The following GXYLT1 variants were observed in gnomAD, a reference collection of about 807,000 sequenced individuals.
The protein encoded by GXYLT1 is glucoside xylosyltransferase 1.
GXYLT1 carries 29 observed loss-of-function variants against 54.0 expected under a neutral mutation model. That is an observed-to-expected ratio of 0.54 (90% CI 0.40 to 0.73). The LOEUF (loss-of-function observed/expected upper bound fraction) is 0.73. Among genes scored for constraint, GXYLT1 ranks in the 30% least tolerant of loss-of-function variants. GXYLT1 has a pLI of 0.00. For missense variants in GXYLT1, 490 were observed against 553.4 expected, an observed-to-expected ratio of 0.89 and a Z score of 1.15; for synonymous variants, 176 against 204.1, an observed-to-expected ratio of 0.86 and a Z score of 1.17.
chr12:42,084,251 C>G lies in GXYLT1; in HGVS notation c.*3535G>C, dbSNP rs973419972. 1.3e-5 allele frequency: 2 copies of G among 152,472 alleles called. No homozygotes were observed. Among genetic ancestry groups the G allele is most frequent in the Non-Finnish European group, 2.9e-5 (2 of 68,188 alleles). 9.4% of individuals were successfully genotyped at this position (152,472 alleles called of 1,614,324 possible). A position where few individuals can be genotyped will look rare whatever the true frequency, so the allele number is the denominator to read the frequency against. On this transcript the variant is annotated 3_prime_UTR_variant, in exon 8 of 8. Transcript: ENST00000398675. ...CATTCCATCTTTTCTCTTACTCTGC[C>G]CTTTGCCATCCCCATTCTTACTCCT...
chr12:42,120,160 T>C (rs1449356458), intron 2 of GXYLT1, among the ~76,000 whole-genome samples: 2 of 152,212 alleles, frequency 1.3e-5, no homozygotes, highest in Non-Finnish European at 1.5e-5. Flanking sequence ...AAAACATTCT[T>C]ACTTCATATG....
rs1403305517 is a variant in GXYLT1 at position 42,105,831 on chromosome 12, C to T, written c.851G>A (p.Arg284Lys). ...TTAGTGACTTACCTTGAAATACTTC[C>T]TTCTCATTCGAGTCATGTTCATCAA... ...VMLMNMTRMR[R>K]KYFKNDMTTV... The change falls in exon 5 of 8, where the codon AGG becomes AAG. Residue 284 changes from arginine to lysine, a missense_variant. Physicochemically the swap from Arg to Lys is conservative, Grantham distance 26. This residue lies in a region of GXYLT1 where 342 missense variants were observed against 342.6 expected (regional missense o/e 1.00). Coordinates refer to ENST00000398675, the MANE Select transcript of GXYLT1 (RefSeq NM_173601.2). 1 of 1,583,444 alleles carries T rather than the reference C, an allele frequency of 6.3e-7. No homozygotes were observed.
intron 7 of GXYLT1, among the ~76,000 whole-genome samples, chr12:42,092,731 T>C (rs938362413): frequency 7.2e-5 from 11 of 152,198 alleles, no homozygotes; most frequent in African/African-American, 2.7e-4. Context: ...ACTTAAGTTA[T>C]ATTCAAAACC....
chr12:42,135,999 T>C (rs903602757), intron 1 of GXYLT1, among the ~76,000 whole-genome samples: 1 of 152,200 alleles, frequency 6.6e-6, no homozygotes, highest in African/African-American at 2.4e-5. Context: ...TAAGAACACA[T>C]GCACTAGTGA....
At position 42,109,598 on chromosome 12, in the gene GXYLT1, T is replaced by C; in HGVS notation, c.580A>G (p.Lys194Glu). 1 of 1,595,492 alleles carries C rather than the reference T, an allele frequency of 6.3e-7. No individual in the cohort carries two copies. The highest frequency in any genetic ancestry group is 8.5e-7 in the Non-Finnish European group (1 of 1,172,260). The change falls in exon 4 of 8, where the codon AAA becomes GAA. Residue 194 changes from lysine (K) to glutamate (E), a missense_variant. This residue lies in a region of GXYLT1 where 342 missense variants were observed against 342.6 expected (regional missense o/e 1.00). Transcript: ENST00000398675. Reference sequence around the variant, plus strand: ...AACAATCTCTGCGAAGCACATGGTTTAAAGAGTTTTTTCCACTCTGCTGCA... The same window carrying C: ...AACAATCTCTGCGAAGCACATGGTTCAAAGAGTTTTTTCCACTCTGCTGCA... ...ENAAEWKKLF[K>E]PCASQRLFLP...
chr12:42,090,275 T>A (rs920450950), intron 7 of GXYLT1, among the ~76,000 whole-genome samples: 3 of 152,228 alleles, frequency 2.0e-5, no homozygotes, highest in Non-Finnish European at 2.9e-5. Context: ...AGACACTGCA[T>A]TCTTCCATTT....
chr12:42,094,913 T>C (rs1015703435), intron 7 of GXYLT1, among the ~76,000 whole-genome samples: 21 of 152,196 alleles, frequency 1.4e-4, no homozygotes, highest in African/African-American at 5.1e-4. Context: ...GAATTATATA[T>C]TTGAAATGGG....
At chr12:42,097,712 G>T (rs1314220601) in intron 6 of GXYLT1, 98 bp from the exon 7 acceptor site, 1 of 1,185,352 alleles carries the variant, frequency 8.4e-7, no homozygotes, top group Non-Finnish European at 1.2e-6. Context: ...GCTCTTACAA[G>T]TAAGAATTAA....
chr12:42,118,079 A>G (rs2065507773), intron 3 of GXYLT1, among the ~76,000 whole-genome samples: 1 of 152,238 alleles, frequency 6.6e-6, no homozygotes, highest in Non-Finnish European at 1.5e-5. Flanking sequence ...AAGAATTGCC[A>G]TATAATCCAG....
At chr12:42,094,288 C>T (rs1225877759) in intron 7 of GXYLT1, among the ~76,000 whole-genome samples, 1 of 150,188 alleles carries the variant, frequency 6.7e-6, no homozygotes, top group Non-Finnish European at 1.5e-5. Flanking sequence ...AAGGTCAACG[C>T]TGCAGTAAGC....
intron 7 of GXYLT1, among the ~76,000 whole-genome samples, chr12:42,093,733 C>T (rs1318872448): frequency 6.6e-6 from 1 of 152,092 alleles, no homozygotes; most frequent in African/African-American, 2.4e-5. Flanking sequence ...TGGTCTCAAA[C>T]TGCTGGGCTG....
At chr12:42,137,720 G>A (rs1317473949) in intron 1 of GXYLT1, among the ~76,000 whole-genome samples, 1 of 127,270 alleles carries the variant, frequency 7.9e-6, no homozygotes, top group Non-Finnish European at 1.5e-5. Flanking sequence ...TCATGCCACT[G>A]CACTCCAGCC....
chr12:42,100,474 TAA>T (rs971878429), intron 5 of GXYLT1, among the ~76,000 whole-genome samples: 11 of 152,098 alleles, frequency 7.2e-5, no homozygotes, highest in African/African-American at 2.2e-4. Flanking sequence ...AACATTGTTA[TAA>T]GTCATTTTAT....
At chr12:42,089,470 A>C (rs1406616426) in intron 7 of GXYLT1, among the ~76,000 whole-genome samples, 1 of 152,214 alleles carries the variant, frequency 6.6e-6, no homozygotes, top group Non-Finnish European at 1.5e-5. Context: ...TATGTACCCT[A>C]GAACTTAAAG....
intron 1 of GXYLT1, among the ~76,000 whole-genome samples, chr12:42,135,752 GCAGA>G (rs1298156081): frequency 6.6e-6 from 1 of 152,210 alleles, no homozygotes; most frequent in Non-Finnish European, 1.5e-5. Flanking sequence ...CCCCAAACAG[GCAGA>G]CAGAAAGTAG....
intron 1 of GXYLT1, among the ~76,000 whole-genome samples, chr12:42,138,782 A>AGG (rs1336074841): frequency 6.6e-6 from 1 of 152,116 alleles, no homozygotes; most frequent in Non-Finnish European, 1.5e-5. Flanking sequence ...GCACTTTGGG[A>AGG]GGCCGAGGCA....
At chr12:42,099,959 A>G (rs1196426345) in intron 5 of GXYLT1, among the ~76,000 whole-genome samples, 2 of 152,236 alleles carry the variant, frequency 1.3e-5, no homozygotes, top group Non-Finnish European at 2.9e-5. Context: ...GAAATGAGAT[A>G]AAAATATAAT....
At chr12:42,101,675 G>T (rs1362844338) in intron 5 of GXYLT1, among the ~76,000 whole-genome samples, 2 of 151,904 alleles carry the variant, frequency 1.3e-5, no homozygotes, top group Non-Finnish European at 2.9e-5. Flanking sequence ...GGGTTCAAGT[G>T]ATTCTCATGC....
At chr12:42,100,915 A>T (rs535617679) in intron 5 of GXYLT1, among the ~76,000 whole-genome samples, 109 of 152,086 alleles carry the variant, frequency 7.2e-4, no homozygotes, top group Non-Finnish European at 1.3e-3. Context: ...ACATATTTAA[A>T]TTATAAAAAC....
Sources: gnomAD v4.1 joint callset for allele counts (sites outside exome capture counted in the v4.1 genomes callset) on GRCh38, gnomAD v4.1.1 for gene constraint, gnomAD v4.1.1 regional missense constraint, MANE v1.5 for transcripts, NCBI Gene and HGNC (gene_info 2026-07-23, HGNC 2026-07-21) for gene names.